PSG2: variants seen among roughly 807,000 people sequenced by gnomAD.
The protein encoded by PSG2 is pregnancy-specific beta-1-glycoprotein 2.
A neutral mutation model predicts 36.2 loss-of-function variants in PSG2; 49 were observed. The observed-to-expected ratio is 1.35, with a 90% CI of 1.08 to 1.72. The LOEUF (loss-of-function observed/expected upper bound fraction) is 1.72, where lower values mean the gene tolerates loss of function less well. Among genes scored for constraint, PSG2 ranks in the 40% most tolerant of loss-of-function variants. PSG2 has a pLI of 0.00. For synonymous variants in PSG2, 261 were observed against 155.6 expected (o/e 1.68, Z -5.04); for missense variants, 605 against 407.2 (o/e 1.49, Z -4.18).
rs995861015 is a variant in PSG2 at position 43,064,544 on chromosome 19, T to G, written c.*98A>C. 6.0e-6 allele frequency: 4 copies of G among 671,828 alleles called. No individual in the cohort carries two copies. The African/African-American group carries it at 7.3e-5, about 12-fold the overall frequency. 41.6% of individuals were successfully genotyped at this position (671,828 alleles called of 1,614,324 possible). A position where few individuals can be genotyped will look rare whatever the true frequency, so the allele number is the denominator to read the frequency against. On this transcript the variant is annotated 3_prime_UTR_variant, in exon 6 of 6. Transcript: ENST00000406487. ...AGTTCTTAGTCCAGTGGTATGATCT[T>G]GAAGTTATCAGGAGCTTGTATTCAA... is the stretch of plus-strand genomic sequence containing the variant.
chr19:43,071,674 T>A (rs764182631), intron 4 of PSG2, 26 bp downstream of exon 4: 1 of 1,612,646 alleles, frequency 6.2e-7, no homozygotes, highest in African/African-American at 1.3e-5. Flanking sequence ...AAAACCCTAC[T>A]GCCAAGGATG....
chr19:43,066,404 T>C, intron 5 of PSG2, 113 bp downstream of exon 5: 1 of 793,252 alleles, frequency 1.3e-6, no homozygotes, highest in Non-Finnish European at 2.2e-6. Context: ...AGCAGGAGTT[T>C]AGTGGAGGAA....
intron 3 of PSG2, among the ~76,000 whole-genome samples, chr19:43,074,700 C>G (rs1967866069): frequency 6.6e-6 from 1 of 151,716 alleles, no homozygotes; most frequent in South Asian, 2.1e-4. Flanking sequence ...GATCCACTTA[C>G]CAGGGACTAT....
rs528898828 is a variant in PSG2 at position 43,074,438 on chromosome 19, T to C, written c.709+916A>G. ...TTTTGGTTAAACTTATTCCAAAATA[T>C]TTTATTCCTTTTGATGTTAATGTGA... is the stretch of plus-strand genomic sequence containing the variant. On this transcript the variant is annotated intron_variant, in intron 3 of 5. Coordinates refer to ENST00000406487, the MANE Select transcript of PSG2 (RefSeq NM_031246.4). 8.9e-4 allele frequency among the ~76,000 whole-genome samples: 135 copies of C among 151,934 alleles called. 2 individuals carry two copies. Among genetic ancestry groups the C allele is most frequent in the Non-Finnish European group, 1.3e-3 (85 of 67,994 alleles).
At chr19:43,071,265 C>T (rs970963745) in intron 4 of PSG2, among the ~76,000 whole-genome samples, 4 of 151,632 alleles carry the variant, frequency 2.6e-5, no homozygotes, top group African/African-American at 7.3e-5. Flanking sequence ...ACCCAAGGGG[C>T]TTCCTCCTCT....
In PSG2 at chr19:43,075,533, C is replaced by T; in HGVS notation, c.530G>A (p.Ser177Asn). 1.2e-6 allele frequency: 2 copies of T among 1,613,302 alleles called. No homozygotes were observed. Among genetic ancestry groups the T allele is most frequent in the Non-Finnish European group, 1.7e-6 (2 of 1,179,784 alleles). Residue 177 changes from serine (S) to asparagine (N), a missense_variant, in exon 3 of 6, where the codon AGC (serine) becomes AAC (asparagine). By Grantham distance (46) the Ser-to-Asn change is conservative. Transcript: ENST00000406487. ...CTGACCATTCATCCACCACTGGTAGCTTGTGTCCGGAGTCTCAGGATCACA... is the reference window on the plus strand; with the variant it reads ...CTGACCATTCATCCACCACTGGTAGTTTGTGTCCGGAGTCTCAGGATCACA... ...LTCDPETPDT[S>N]YQWWMNGQSL...
chr19:43,072,587 G>A, intron 3 of PSG2: 1 of 1,611,422 alleles, frequency 6.2e-7, no homozygotes, highest in Non-Finnish European at 8.5e-7. Context: ...ATTCTCCCTG[G>A]GGTTTAAGTT....
chr19:43,080,156 A>T (rs753208117), intron 2 of PSG2, among the ~76,000 whole-genome samples: 2 of 151,922 alleles, frequency 1.3e-5, no homozygotes, highest in Admixed American at 6.5e-5. Flanking sequence ...AGCTGCTACC[A>T]GGTACATCTT....
At chr19:43,066,747 T>C in intron 4 of PSG2, 147 bp from the exon 5 acceptor site, 1 of 1,348,338 alleles carries the variant, frequency 7.4e-7, no homozygotes, top group Non-Finnish European at 1.0e-6. Flanking sequence ...TGGGAGATGA[T>C]TATATTCTTG....
chr19:43,074,005 C>T (rs964245895), intron 3 of PSG2, among the ~76,000 whole-genome samples: 3 of 151,578 alleles, frequency 2.0e-5, no homozygotes, highest in Non-Finnish European at 4.4e-5. Flanking sequence ...TCTCTCACCA[C>T]GTTTCTGGCT....
rs1375153572 is a variant in PSG2 at position 43,072,017 on chromosome 19, C to G, written c.710-63G>C. The G allele has an allele frequency of 2.0e-5, 32 of 1,571,686 alleles. 1 individual carries two copies. The highest frequency in any genetic ancestry group is 2.8e-5 in the Non-Finnish European group (32 of 1,153,606). On this transcript the variant is annotated intron_variant, in intron 3 of 5. Transcript: ENST00000406487. The stretch of plus-strand genomic sequence containing the variant: ...TGAGGGAAGGGGATGCTCCTGGTCT[C>G]TTAAAGGGACACAGTGACCCTCTGA...
intron 1 of PSG2, chr19:43,081,868 T>G (rs966732674): frequency 6.4e-6 from 1 of 155,884 alleles, no homozygotes; most frequent in African/African-American, 2.4e-5. Context: ...TTGTTGAGGT[T>G]TTTTGCTGAG....
chr19:43,068,595 T>C (rs554394203), intron 4 of PSG2, among the ~76,000 whole-genome samples: 1 of 151,408 alleles, frequency 6.6e-6, no homozygotes, highest in Non-Finnish European at 1.5e-5. Flanking sequence ...ATAGACAAAC[T>C]CCTAGAAACA....
chr19:43,072,640 A>G, intron 3 of PSG2: 1 of 1,610,568 alleles, frequency 6.2e-7, no homozygotes, highest in Non-Finnish European at 8.5e-7. Context: ...CTGTGTGGAT[A>G]ACAGAGAGAA....
chr19:43,080,664 C>T (rs538925578), intron 2 of PSG2, among the ~76,000 whole-genome samples: 1 of 151,736 alleles, frequency 6.6e-6, no homozygotes, highest in East Asian at 1.9e-4. Flanking sequence ...TGTCCTTCCT[C>T]TGCAGCGAGT....
At chr19:43,072,662 G>T in intron 3 of PSG2, 1 of 1,606,230 alleles carries the variant, frequency 6.2e-7, no homozygotes, top group Non-Finnish European at 8.5e-7. Context: ...ATTGTCCTGT[G>T]TGGCACTTTT....
intron 1 of PSG2, chr19:43,081,925 G>C (rs1208470274): frequency 6.5e-6 from 1 of 152,986 alleles, no homozygotes; most frequent in Non-Finnish European, 1.4e-5. Flanking sequence ...AGTGTCATCT[G>C]ATATAGTTAT....
chr19:43,077,809 T>C (rs1376601805), intron 2 of PSG2, among the ~76,000 whole-genome samples: 1 of 151,818 alleles, frequency 6.6e-6, no homozygotes, highest in Non-Finnish European at 1.5e-5. Context: ...TCTTCCCCAC[T>C]CTTCTTGAAC....
chr19:43,072,098 C>T, intron 3 of PSG2, 144 bp from the exon 4 acceptor site: 3 of 1,392,990 alleles, frequency 2.2e-6, no homozygotes, highest in Non-Finnish European at 2.9e-6. Flanking sequence ...CTGAGCCGAA[C>T]CCTGAAGTAT....
Sources: gnomAD v4.1 joint callset for allele counts (sites outside exome capture counted in the v4.1 genomes callset) on GRCh38, gnomAD v4.1.1 for gene constraint, MANE v1.5 for transcripts, NCBI Gene and HGNC (gene_info 2026-07-23, HGNC 2026-07-21) for gene names.